LRP6: variants seen among roughly 807,000 people sequenced by gnomAD.
LRP6 encodes LDL receptor related protein 6, also known as low-density lipoprotein receptor-related protein 6.
LRP6 carries 43 observed loss-of-function variants against 184.1 expected under a neutral mutation model. The ratio of observed to expected loss-of-function variants is 0.23; its 90% CI spans 0.18 to 0.30. The LOEUF (loss-of-function observed/expected upper bound fraction) is 0.30, where lower values mean the gene tolerates loss of function less well. Among genes scored for constraint, LRP6 ranks in the 10% least tolerant of loss-of-function variants. The pLI is 1.00. For synonymous variants in LRP6, 719 were observed against 684.9 expected (o/e 1.05, Z -0.78); for missense variants, 1,571 against 2,005.3 (o/e 0.78, Z 4.14).
At chr12:12,214,625 T>C (rs370420589) in intron 2 of LRP6, among the ~76,000 whole-genome samples, 52 of 152,362 alleles carry the variant, frequency 3.4e-4, no homozygotes, top group African/African-American at 1.2e-3. Flanking sequence ...TTGAAATTTC[T>C]AAGTCATGTG....
chr12:12,120,957 C>G lies in LRP6; in HGVS notation c.*169G>C, dbSNP rs1949596347. 1.9e-6 allele frequency: 1 copy of G among 513,138 alleles called. No homozygotes were observed. Among genetic ancestry groups the G allele is most frequent in the Non-Finnish European group, 3.3e-6 (1 of 301,952 alleles). The allele number at this position is 513,138 out of a possible 1,614,324, so 31.8% of individuals were successfully genotyped here. On this transcript the variant is annotated 3_prime_UTR_variant, in exon 23 of 23. Transcript: ENST00000261349. ...CTGTTTTAAGAAAATATATAAATATCCTTTTCTTCTGTACAAATATCTCCA... is the reference window on the plus strand; with the variant it reads ...CTGTTTTAAGAAAATATATAAATATGCTTTTCTTCTGTACAAATATCTCCA...
At chr12:12,209,295 AT>A (rs560140366) in intron 2 of LRP6, among the ~76,000 whole-genome samples, 94 of 152,374 alleles carry the variant, frequency 6.2e-4, no homozygotes, top group Non-Finnish European at 1.2e-3. Flanking sequence ...TTATGGTGAA[AT>A]AAAATGTTAC....
At chr12:12,147,625 T>C in intron 14 of LRP6, 69 bp from the exon 15 acceptor site, 1 of 1,198,564 alleles carries the variant, frequency 8.3e-7, no homozygotes, top group Admixed American at 1.8e-5. Flanking sequence ...ATATTCTTAT[T>C]AAGACAAATG....
intron 1 of LRP6, among the ~76,000 whole-genome samples, chr12:12,255,697 A>G (rs1176880819): frequency 2.6e-5 from 4 of 151,016 alleles, no homozygotes; most frequent in African/African-American, 9.8e-5. Context: ...CAGCCTCTCA[A>G]GCAGCTGGGA....
At chr12:12,132,298 G>A (rs953859863) in intron 17 of LRP6, among the ~76,000 whole-genome samples, 7 of 151,948 alleles carry the variant, frequency 4.6e-5, no homozygotes, top group Non-Finnish European at 8.8e-5. Flanking sequence ...TTCATATCTT[G>A]TAATCCAAAA....
At chr12:12,153,255 G>A (rs1950105374) in intron 12 of LRP6, among the ~76,000 whole-genome samples, 1 of 152,184 alleles carries the variant, frequency 6.6e-6, no homozygotes, top group Admixed American at 6.5e-5. Flanking sequence ...TTGGGAGGCT[G>A]AGGCAGTAGG....
chr12:12,183,151 T>C (rs1863383635), intron 5 of LRP6, among the ~76,000 whole-genome samples: 1 of 152,220 alleles, frequency 6.6e-6, no homozygotes, highest in Admixed American at 6.5e-5. Flanking sequence ...TCCATCTCTC[T>C]GACTCCCTGG....
At chr12:12,189,420 T>C (rs746687839) in intron 3 of LRP6, among the ~76,000 whole-genome samples, 15 of 152,354 alleles carry the variant, frequency 9.8e-5, no homozygotes, top group South Asian at 2.1e-4. Context: ...ACATTTACAA[T>C]GTGAATATTT....
rs549350643 is a variant in LRP6, at chr12:12,197,540, G to C, written c.647+5663C>G. ...TTGAAAGATAAAATACCTAATAAGCGCATACTAGTAAGTAACTTTCCATTA... is the reference window on the plus strand; with the variant it reads ...TTGAAAGATAAAATACCTAATAAGCCCATACTAGTAAGTAACTTTCCATTA... On this transcript the variant is annotated intron_variant, in intron 3 of 22. Transcript: ENST00000261349. Among the ~76,000 whole-genome samples the C allele has an allele frequency of 2.8e-4, 43 of 152,196 alleles. 1 individual carries two copies. The East Asian group carries it at 7.1e-3, about 25-fold the overall frequency.
At chr12:12,222,895 A>G (rs1231315124) in intron 2 of LRP6, among the ~76,000 whole-genome samples, 1 of 152,142 alleles carries the variant, frequency 6.6e-6, no homozygotes, top group Non-Finnish European at 1.5e-5. Flanking sequence ...ACACTAACGA[A>G]TATTTCTAGG....
At chr12:12,164,959 G>T (rs980865089) in intron 8 of LRP6, 120 bp downstream of exon 8, 18 of 404,518 alleles carry the variant, frequency 4.4e-5, no homozygotes, top group Non-Finnish European at 7.4e-5. Flanking sequence ...AAAAAAAGGC[G>T]GGGGGGCAGT....
chr12:12,238,741 A>C (rs1358192618), intron 2 of LRP6, among the ~76,000 whole-genome samples: 2 of 152,184 alleles, frequency 1.3e-5, no homozygotes, highest in Non-Finnish European at 2.9e-5. Context: ...ACGCTTATTG[A>C]AAGAAACACT....
At chr12:12,214,455 T>C (rs550150079) in intron 2 of LRP6, among the ~76,000 whole-genome samples, 8 of 152,328 alleles carry the variant, frequency 5.3e-5, no homozygotes, top group African/African-American at 1.7e-4. Flanking sequence ...AGATATCTCA[T>C]AAATCAACTA....
intron 21 of LRP6, 60 bp downstream of exon 21, chr12:12,125,236 A>G (rs962947119): frequency 2.5e-6 from 4 of 1,593,546 alleles, no homozygotes; most frequent in Admixed American, 1.7e-5. Context: ...CCACATTTAA[A>G]TGAGTTAAAA....
intron 1 of LRP6, among the ~76,000 whole-genome samples, chr12:12,266,373 G>C (rs184598243): frequency 1.3e-5 from 2 of 152,136 alleles, no homozygotes; most frequent in African/African-American, 4.8e-5. Flanking sequence ...CAGGCAGAGA[G>C]AGGCACACAG....
rs560891968 is a variant in LRP6, at chr12:12,163,485, C to T, written c.2052+788G>A. Among the ~76,000 whole-genome samples the T allele has an allele frequency of 6.6e-5, 10 of 152,296 alleles. No homozygotes were observed. In the South Asian group the frequency reaches 2.1e-3, roughly 32 times the overall value. ...CAATCTGGAAGAAGAAAAGATTATT[C>T]TTCAGATTTATAGGTTGGGAGCTTC... On this transcript the variant is annotated intron_variant, in intron 9 of 22. Transcript: ENST00000261349.
chr12:12,209,083 G>A (rs1263243847), intron 2 of LRP6, among the ~76,000 whole-genome samples: 1 of 152,194 alleles, frequency 6.6e-6, no homozygotes, highest in Non-Finnish European at 1.5e-5. Flanking sequence ...TCTGCGCCGT[G>A]TGTGCAACAT....
At chr12:12,240,682 T>C (rs1294237964) in intron 2 of LRP6, among the ~76,000 whole-genome samples, 1 of 152,144 alleles carries the variant, frequency 6.6e-6, no homozygotes, top group Admixed American at 6.5e-5. Flanking sequence ...AGTTTAACTT[T>C]ATAAAAAAAA....
chr12:12,184,894 A>AT (rs1358774620), intron 4 of LRP6, among the ~76,000 whole-genome samples: 1 of 152,226 alleles, frequency 6.6e-6, no homozygotes, highest in Non-Finnish European at 1.5e-5. Flanking sequence ...AAAAATCAAC[A>AT]TAAGATGGAG....
Sources: gnomAD v4.1 joint callset for allele counts (sites outside exome capture counted in the v4.1 genomes callset) on GRCh38, gnomAD v4.1.1 for gene constraint, MANE v1.5 for transcripts, NCBI Gene and HGNC (gene_info 2026-07-23, HGNC 2026-07-21) for gene names.